ANKRD13C: variants seen among roughly 807,000 people sequenced by gnomAD.
The protein encoded by ANKRD13C is ankyrin repeat domain-containing protein 13C.
ANKRD13C carries 16 observed loss-of-function variants against 65.5 expected under a neutral mutation model. The ratio of observed to expected loss-of-function variants is 0.24; its 90% CI spans 0.17 to 0.37. ANKRD13C has a LOEUF of 0.37. Among genes scored for constraint, ANKRD13C ranks in the 10% least tolerant of loss-of-function variants. The pLI is 1.00. For missense variants in ANKRD13C, 503 were observed against 655.9 expected, an observed-to-expected ratio of 0.77 and a Z score of 2.55; for synonymous variants, 235 against 238.7, an observed-to-expected ratio of 0.98 and a Z score of 0.14.
At chr1:70,304,115 C>A (rs1277719317) in intron 6 of ANKRD13C, among the ~76,000 whole-genome samples, 2 of 152,136 alleles carry the variant, frequency 1.3e-5, no homozygotes, top group Admixed American at 1.3e-4. Context: ...GATCTCGGCT[C>A]ACTGTAGCCT....
chr1:70,305,290 G>C (rs1332423257), intron 6 of ANKRD13C, among the ~76,000 whole-genome samples: 2 of 151,998 alleles, frequency 1.3e-5, no homozygotes, highest in Non-Finnish European at 2.9e-5. Flanking sequence ...TTTGTGTCAT[G>C]GTGAGAAGAA....
intron 1 of ANKRD13C, among the ~76,000 whole-genome samples, chr1:70,351,068 G>A (rs1682723495): frequency 6.6e-6 from 1 of 152,246 alleles, no homozygotes; most frequent in Admixed American, 6.5e-5. Context: ...GGCTGAGGCA[G>A]AAGCATCACT....
At chr1:70,286,120 C>T (rs561430413) in intron 9 of ANKRD13C, among the ~76,000 whole-genome samples, 1 of 152,112 alleles carries the variant, frequency 6.6e-6, no homozygotes, top group African/African-American at 2.4e-5. Flanking sequence ...TCTATAATTA[C>T]ACCTATCAAT....
At chr1:70,344,031 C>G (rs967389600) in intron 1 of ANKRD13C, among the ~76,000 whole-genome samples, 1 of 151,682 alleles carries the variant, frequency 6.6e-6, no homozygotes, top group African/African-American at 2.4e-5. Context: ...GGCATGGTGG[C>G]TCACGCCTAT....
chr1:70,296,356 T>C, intron 7 of ANKRD13C, 95 bp from the exon 8 acceptor site: 1 of 1,238,086 alleles, frequency 8.1e-7, no homozygotes, highest in Non-Finnish European at 1.1e-6. Context: ...ATGGTACCAA[T>C]TTTTAAAGAC....
intron 9 of ANKRD13C, among the ~76,000 whole-genome samples, chr1:70,280,409 T>TGTA (rs1679336466): frequency 6.6e-6 from 1 of 152,086 alleles, no homozygotes; most frequent in Non-Finnish European, 1.5e-5. Context: ...AAATTGCAAG[T>TGTA]GTAGTGTGTC....
intron 9 of ANKRD13C, among the ~76,000 whole-genome samples, chr1:70,277,495 C>A (rs1572037242): frequency 1.4e-5 from 2 of 142,512 alleles, no homozygotes; most frequent in Non-Finnish European, 3.0e-5. Context: ...AAGGAATTTA[C>A]AATTCAGTTG....
chr1:70,272,040 A>G (rs1336140811), intron 11 of ANKRD13C, among the ~76,000 whole-genome samples: 1 of 151,886 alleles, frequency 6.6e-6, no homozygotes, highest in African/African-American at 2.4e-5. Context: ...TGCTCAATTT[A>G]TTTCCTCAGC....
intron 1 of ANKRD13C, among the ~76,000 whole-genome samples, chr1:70,338,693 C>T (rs1409108507): frequency 1.3e-5 from 2 of 152,194 alleles, no homozygotes; most frequent in African/African-American, 4.8e-5. Flanking sequence ...AGCCACCACG[C>T]CCGGCCCTTA....
chr1:70,291,082 T>C (rs1156571681), intron 9 of ANKRD13C, among the ~76,000 whole-genome samples: 1 of 152,006 alleles, frequency 6.6e-6, no homozygotes, highest in Non-Finnish European at 1.5e-5. Flanking sequence ...GCCCAGGATG[T>C]AGCACAATGG....
Position 70,354,385 on chromosome 1 carries a change from T to A in ANKRD13C, c.24A>T (p.Ser8=), listed in dbSNP as rs756410039. Residue 8 remains serine, a synonymous_variant, in exon 1 of 13, where the codon TCA becomes TCT. Coordinates refer to ENST00000370944, the MANE Select transcript of ANKRD13C (RefSeq NM_030816.5). MTGEKIR[S]LRRDHKPSKE... is the part of the protein sequence containing the mutation. ...TGCTGGGCTTGTGGTCCCTCCGCAG[T>A]GAGCGGATCTTCTCCCCGGTCATCG... The A allele has an allele frequency of 2.5e-6, 4 of 1,613,288 alleles. No individual in the cohort carries two copies. The highest frequency in any genetic ancestry group is 3.4e-6 in the Non-Finnish European group (4 of 1,179,408).
rs1446679566 is a variant in ANKRD13C, at chr1:70,261,954, A to AG, written c.*762dup. 1 of 152,246 alleles carries AG rather than the reference A, an allele frequency of 6.6e-6. No individual in the cohort carries two copies. The highest frequency in any genetic ancestry group is 1.5e-5 in the Non-Finnish European group (1 of 67,866). The allele number at this position is 152,246 out of a possible 1,614,324, so 9.4% of individuals were successfully genotyped here. A position where few individuals can be genotyped will look rare whatever the true frequency, so the allele number is the denominator to read the frequency against. On this transcript the variant is annotated 3_prime_UTR_variant, in exon 13 of 13. Transcript: ENST00000370944. ...ATAACAAGGACTCAAACTCAAGTTTAGAAAAAAAAAAAATAGAGGTTCTAT... is the reference window on the plus strand; with the variant it reads ...ATAACAAGGACTCAAACTCAAGTTTAGGAAAAAAAAAAAATAGAGGTTCTAT...
rs1176780686 is a variant in ANKRD13C at position 70,262,129 on chromosome 1, T to C, written c.*588A>G. ...CATATAAATGCAATTGTTTAATGGTTACCATTTGGTTCATTCATCTACAGA... is the reference window on the plus strand; with the variant it reads ...CATATAAATGCAATTGTTTAATGGTCACCATTTGGTTCATTCATCTACAGA... On this transcript the variant is annotated 3_prime_UTR_variant, in exon 13 of 13. Coordinates refer to ENST00000370944, the MANE Select transcript of ANKRD13C (RefSeq NM_030816.5). 6.6e-6 allele frequency: 1 copy of C among 152,620 alleles called. No individual in the cohort carries two copies. Among genetic ancestry groups the C allele is most frequent in the Non-Finnish European group, 1.5e-5 (1 of 67,998 alleles). The allele number at this position is 152,620 out of a possible 1,614,324, so 9.5% of individuals were successfully genotyped here.
chr1:70,295,227 C>T (rs951120650), intron 8 of ANKRD13C, among the ~76,000 whole-genome samples: 3 of 151,718 alleles, frequency 2.0e-5, no homozygotes, highest in African/African-American at 7.3e-5. Context: ...ACAGCTCATT[C>T]AATTTATTTT....
chr1:70,291,465 G>C (rs1679866080), intron 9 of ANKRD13C, among the ~76,000 whole-genome samples: 2 of 152,186 alleles, frequency 1.3e-5, no homozygotes, highest in African/African-American at 4.8e-5. Context: ...TTGAGGAGCA[G>C]TTACCATGTC....
chr1:70,316,369 T>G (rs1681073225), intron 3 of ANKRD13C, among the ~76,000 whole-genome samples: 1 of 152,106 alleles, frequency 6.6e-6, no homozygotes, highest in South Asian at 2.1e-4. Context: ...ACTTCCTTTT[T>G]TTTTCCTCTC....
chr1:70,349,986 A>C (rs1466372826), intron 1 of ANKRD13C, among the ~76,000 whole-genome samples: 2 of 152,130 alleles, frequency 1.3e-5, no homozygotes, highest in Non-Finnish European at 2.9e-5. Flanking sequence ...AAATACAAAA[A>C]TACAAAAATT....
intron 9 of ANKRD13C, among the ~76,000 whole-genome samples, chr1:70,288,204 T>C (rs1456688793): frequency 2.6e-5 from 4 of 152,206 alleles, no homozygotes; most frequent in Non-Finnish European, 4.4e-5. Flanking sequence ...TGGGATAGCA[T>C]TGAACACTAC....
chr1:70,322,468 T>C (rs1232774313), intron 3 of ANKRD13C, among the ~76,000 whole-genome samples: 1 of 152,178 alleles, frequency 6.6e-6, no homozygotes, highest in African/African-American at 2.4e-5. Context: ...AAGGTATCAC[T>C]CTACATAAGA....
Sources: allele counts gnomAD v4.1 joint callset (sites outside exome capture counted in the v4.1 genomes callset), GRCh38; gene constraint gnomAD v4.1.1; transcripts MANE v1.5; gene names NCBI Gene and HGNC (gene_info 2026-07-23, HGNC 2026-07-21).